Variants in USP53 observed in about 807,000 individuals in gnomAD.
The protein encoded by USP53 is ubiquitin carboxyl-terminal hydrolase 53.
USP53 carries 71 observed loss-of-function variants against 94.9 expected under a neutral mutation model. That is an observed-to-expected ratio of 0.75 (90% CI 0.62 to 0.91). The LOEUF is 0.91. Among genes scored for constraint, USP53 ranks in the 40% least tolerant of loss-of-function variants. The pLI is 0.00. For synonymous variants in USP53, 375 were observed against 422.7 expected (o/e 0.89, Z 1.39); for missense variants, 1,173 against 1,281.0 (o/e 0.92, Z 1.29).
chr4:119,222,800 TG>T (rs1744726268), intron 3 of USP53, among the ~76,000 whole-genome samples: 1 of 152,194 alleles, frequency 6.6e-6, no homozygotes, highest in African/African-American at 2.4e-5. Flanking sequence ...TTCTTTCTTT[TG>T]GGTATATACC....
Position 119,243,625 on chromosome 4 carries a change from A to T in USP53, c.145-1712A>T, listed in dbSNP as rs6857449. Among the ~76,000 whole-genome samples, 732 of 152,366 alleles carry T rather than the reference A, an allele frequency of 4.8e-3. 10 individuals are homozygous for T. Among genetic ancestry groups the T allele is most frequent in the African/African-American group, 0.016 (675 of 41,588 alleles). ...TGTTAAAGACAATAATGTACAGGGA[A>T]CTTGAAATAAATCACATAAAACATT... On this transcript the variant is annotated intron_variant, in intron 5 of 18. Transcript: ENST00000692078.
At chr4:119,246,733 A>G (rs939713791) in intron 6 of USP53, among the ~76,000 whole-genome samples, 3 of 152,192 alleles carry the variant, frequency 2.0e-5, no homozygotes, top group South Asian at 4.1e-4. Context: ...TTAACCAGAT[A>G]TAATATTTGA....
At chr4:119,257,194 T>C (rs1346174191) in intron 9 of USP53, among the ~76,000 whole-genome samples, 1 of 152,112 alleles carries the variant, frequency 6.6e-6, no homozygotes, top group Non-Finnish European at 1.5e-5. Context: ...GTAATCCTAG[T>C]ACATTGGGAG....
intron 14 of USP53, among the ~76,000 whole-genome samples, chr4:119,269,402 A>T (rs757711237): frequency 2.0e-5 from 3 of 152,212 alleles, no homozygotes; most frequent in Non-Finnish European, 4.4e-5. Flanking sequence ...ACTGGCAAAT[A>T]GTGACCATTC....
At chr4:119,265,252 T>C (rs1750971943) in intron 12 of USP53, among the ~76,000 whole-genome samples, 1 of 152,224 alleles carries the variant, frequency 6.6e-6, no homozygotes, top group Non-Finnish European at 1.5e-5. Context: ...AATAAAGCTA[T>C]TAAAATTTTT....
At position 119,273,678 on chromosome 4, in the gene USP53, A is replaced by C. The variant is rs199622937; in HGVS notation, c.2221A>C (p.Thr741Pro). ...CCTAAATAAAGAACGTGGGGACTGT[A>C]CCTCCCTTCAGAGCCAACATCACTT... Reference protein sequence around the residue: ...SNLNKERGDCTSLQSQHHLEG... With the variant: ...SNLNKERGDCPSLQSQHHLEG... Residue 741 changes from threonine (T) to proline (P), a missense_variant, in exon 17 of 19, where the codon ACC becomes CCC. Coordinates refer to ENST00000692078, the MANE Select transcript of USP53 (RefSeq NM_001371395.1). 1.2e-6 allele frequency: 2 copies of C among 1,612,698 alleles called. No homozygotes were observed. Among genetic ancestry groups the C allele is most frequent in the Non-Finnish European group, 1.7e-6 (2 of 1,179,184 alleles).
At position 119,293,782 on chromosome 4, in the gene USP53, T is replaced by C. The variant is rs1356030185; in HGVS notation, c.*571T>C. 6.6e-6 allele frequency: 1 copy of C among 152,158 alleles called. No homozygotes were observed. The highest frequency in any genetic ancestry group is 2.4e-5 in the African/African-American group (1 of 41,444). The allele number at this position is 152,158 out of a possible 1,614,324, so 9.4% of individuals were successfully genotyped here. A position where few individuals can be genotyped will look rare whatever the true frequency, so the allele number is the denominator to read the frequency against. On this transcript the variant is annotated 3_prime_UTR_variant, in exon 19 of 19. Coordinates refer to ENST00000692078, the MANE Select transcript of USP53 (RefSeq NM_001371395.1). ...CAGAAAAGGGCTTCACCCATTTGTTTTTGACTTCTATGATAGTCACTGCAT... is the reference window on the plus strand; with the variant it reads ...CAGAAAAGGGCTTCACCCATTTGTTCTTGACTTCTATGATAGTCACTGCAT...
intron 3 of USP53, among the ~76,000 whole-genome samples, chr4:119,228,073 A>G (rs971698124): frequency 3.9e-5 from 6 of 152,238 alleles, no homozygotes; most frequent in African/African-American, 1.4e-4. Flanking sequence ...GCTTAAAACA[A>G]TGCACATTTA....
intron 3 of USP53, among the ~76,000 whole-genome samples, chr4:119,226,314 T>A (rs1159438290): frequency 6.6e-6 from 1 of 152,196 alleles, no homozygotes; most frequent in Admixed American, 6.5e-5. Context: ...ACGTCCTACC[T>A]ACCCAGTTAA....
chr4:119,292,706 G>T lies in USP53; in HGVS notation c.2717G>T (p.Arg906Ile). The change falls in exon 19 of 19, where the codon AGA becomes ATA. Residue 906 changes from arginine to isoleucine, a missense_variant. Arg to Ile is a moderately conservative substitution (Grantham distance 97). Transcript: ENST00000692078. ...GAATGTATAATTCGGTCAGCCAGCA[G>T]ATCTGATGGGTGTCAGATGCCAAAA... is the stretch of plus-strand genomic sequence containing the variant. ...STECIIRSAS[R>I]SDGCQMPKLF... is the part of the protein sequence containing the mutation. 1 of 1,614,062 alleles carries T rather than the reference G, an allele frequency of 6.2e-7. No homozygotes were observed.
Position 119,292,991 on chromosome 4 carries a change from GCTC to G in USP53, c.3006_3008del (p.Ser1003del), listed in dbSNP as rs1320137105. 14 of 1,613,960 alleles carry G rather than the reference GCTC, an allele frequency of 8.7e-6. No individual in the cohort carries two copies. Among genetic ancestry groups the G allele is most frequent in the Admixed American group, 6.7e-5 (4 of 59,984 alleles). ...GGCAACACACCAAACTGTCCATCCA[GCTC>G]CTCAACTAACGATTTTCAGGCAAAC... On this transcript the variant is annotated inframe_deletion, in exon 19 of 19. Coordinates refer to ENST00000692078, the MANE Select transcript of USP53 (RefSeq NM_001371395.1).
intron 17 of USP53, among the ~76,000 whole-genome samples, chr4:119,274,300 A>G (rs1752294793): frequency 7.7e-6 from 1 of 129,480 alleles, no homozygotes; most frequent in Admixed American, 9.8e-5. Flanking sequence ...TCCTGTGTCC[A>G]TGTGATCTCA....
rs1408271311 is a variant in USP53, at chr4:119,271,854, A to C, written c.1994A>C (p.Lys665Thr). 6.2e-7 allele frequency: 1 copy of C among 1,613,424 alleles called. No homozygotes were observed. Among genetic ancestry groups the C allele is most frequent in the Non-Finnish European group, 8.5e-7 (1 of 1,179,874 alleles). The change falls in exon 16 of 19, where the codon AAA (lysine) becomes ACA (threonine). Residue 665 changes from lysine (K) to threonine (T), a missense_variant. Physicochemically the swap from Lys to Thr is moderately conservative, Grantham distance 78. Transcript: ENST00000692078. ...SLESNGKGAEKNKGLVEGKVH... is the reference protein window; with the variant it reads ...SLESNGKGAETNKGLVEGKVH... Reference sequence around the variant, plus strand: ...GAATCTAATGGAAAAGGAGCAGAGAAAAATAAAGGCCTTGTAGAGGGTAAA... The same window carrying C: ...GAATCTAATGGAAAAGGAGCAGAGACAAATAAAGGCCTTGTAGAGGGTAAA...
chr4:119,259,955 C>T (rs1319436713), intron 10 of USP53, 30 bp downstream of exon 10: 2 of 1,503,224 alleles, frequency 1.3e-6, no homozygotes, highest in Non-Finnish European at 9.0e-7. Flanking sequence ...TATTAGTATG[C>T]TTCTTGTTTT....
At chr4:119,290,228 G>T (rs535672806) in intron 17 of USP53, among the ~76,000 whole-genome samples, 2 of 152,262 alleles carry the variant, frequency 1.3e-5, no homozygotes, top group African/African-American at 2.4e-5. Flanking sequence ...GATTAATTTG[G>T]TATCTGAAAT....
chr4:119,256,472 A>G lies in USP53; in HGVS notation c.518A>G (p.Asp173Gly), dbSNP rs1393786303. 2 of 1,614,108 alleles carry G rather than the reference A, an allele frequency of 1.2e-6. No individual in the cohort carries two copies. Among genetic ancestry groups the G allele is most frequent in the Admixed American group, 1.7e-5 (1 of 60,026 alleles). Residue 173 changes from aspartate (D) to glycine (G), a missense_variant, in exon 9 of 19, where the codon GAT (aspartate) becomes GGT (glycine). Coordinates refer to ENST00000692078, the MANE Select transcript of USP53 (RefSeq NM_001371395.1). Reference protein sequence around the residue: ...CVCRSCGASSDPLPFTEFVRY... With the variant: ...CVCRSCGASSGPLPFTEFVRY... ...TGTCGTAGCTGTGGAGCATCGTCAG[A>G]TCCTCTACCTTTTACAGAATTTGTG...
intron 10 of USP53, among the ~76,000 whole-genome samples, 153 bp from the exon 11 acceptor site, chr4:119,260,354 A>G (rs1750340180): frequency 6.6e-6 from 1 of 151,798 alleles, no homozygotes; most frequent in Non-Finnish European, 1.5e-5. Flanking sequence ...TTTTTAATCA[A>G]TAATTAAGAC....
intron 5 of USP53, among the ~76,000 whole-genome samples, chr4:119,243,572 A>T (rs764832543): frequency 6.6e-6 from 1 of 152,206 alleles, no homozygotes; most frequent in African/African-American, 2.4e-5. Flanking sequence ...TGTGATAGCG[A>T]TTTGTTAAAG....
At chr4:119,270,211 T>C (rs1051150761) in intron 15 of USP53, among the ~76,000 whole-genome samples, 8 of 151,630 alleles carry the variant, frequency 5.3e-5, no homozygotes, top group African/African-American at 1.7e-4. Flanking sequence ...CCTCACGTCT[T>C]AGCCTCCTGA....
Sources: gnomAD v4.1 joint callset for allele counts (sites outside exome capture counted in the v4.1 genomes callset) on GRCh38, gnomAD v4.1.1 for gene constraint, MANE v1.5 for transcripts, NCBI Gene and HGNC (gene_info 2026-07-23, HGNC 2026-07-21) for gene names.